GABRB3: variants seen among roughly 807,000 people sequenced by gnomAD.
The protein encoded by GABRB3 is gamma-aminobutyric acid type A receptor subunit beta3.
A neutral mutation model predicts 52.1 loss-of-function variants in GABRB3; 14 were observed. The ratio of observed to expected loss-of-function variants is 0.27; its 90% confidence interval spans 0.18 to 0.42. The LOEUF (loss-of-function observed/expected upper bound fraction) is 0.42. Ranked by LOEUF, GABRB3 falls within the 10% of genes least tolerant of loss-of-function variation. GABRB3 has a pLI of 1.00. For synonymous variants in GABRB3, 260 were observed against 232.3 expected, an observed-to-expected ratio of 1.12 and a Z score of -1.08; for missense variants, 307 against 609.1, an observed-to-expected ratio of 0.50 and a Z score of 5.22.
At chr15:26,679,410 C>T (rs1357452381) in intron 3 of GABRB3, among the ~76,000 whole-genome samples, 2 of 152,094 alleles carry the variant, frequency 1.3e-5, no homozygotes, top group Admixed American at 6.5e-5. Flanking sequence ...GTCGCACATA[C>T]GTACTAGCAT....
intron 3 of GABRB3, among the ~76,000 whole-genome samples, chr15:26,714,127 C>T (rs1016436945): frequency 2.0e-5 from 3 of 152,334 alleles, no homozygotes; most frequent in African/African-American, 7.2e-5. Flanking sequence ...AATATTTAGA[C>T]GTCTGAGCTA....
chr15:26,565,420 T>G (rs1320929879), intron 7 of GABRB3, among the ~76,000 whole-genome samples: 1 of 152,046 alleles, frequency 6.6e-6, no homozygotes, highest in Non-Finnish European at 1.5e-5. Context: ...TCACCCTAAC[T>G]CTAGTGAATA....
chr15:26,760,060 C>T (rs1401264819), intron 3 of GABRB3, among the ~76,000 whole-genome samples: 1 of 152,186 alleles, frequency 6.6e-6, no homozygotes, highest in African/African-American at 2.4e-5. Context: ...GTAGCTGAGG[C>T]TCATAGCATA....
chr15:26,689,174 G>T (rs555956678), intron 3 of GABRB3, among the ~76,000 whole-genome samples: 11 of 152,292 alleles, frequency 7.2e-5, no homozygotes, highest in African/African-American at 2.4e-4. Context: ...GACAGTCTTG[G>T]TCTCCTGCAC....
intron 3 of GABRB3, among the ~76,000 whole-genome samples, chr15:26,741,434 T>C (rs977692019): frequency 1.4e-4 from 22 of 152,178 alleles, no homozygotes; most frequent in Admixed American, 2.6e-4. Context: ...CACATATACA[T>C]GTAAGCAACC....
chr15:26,658,578 A>G (rs867217244), intron 3 of GABRB3: 1 of 152,192 alleles, frequency 6.6e-6, no homozygotes, highest in Non-Finnish European at 1.5e-5. Context: ...GCTGCCACAC[A>G]TTCATCTGCA....
At chr15:26,554,065 AG>A in intron 8 of GABRB3, among the ~76,000 whole-genome samples, 1 of 106,962 alleles carries the variant, frequency 9.3e-6, no homozygotes, top group Non-Finnish European at 2.0e-5. Flanking sequence ...TTATATATAA[AG>A]TGTGTATATA....
intron 8 of GABRB3, among the ~76,000 whole-genome samples, chr15:26,554,621 A>T (rs1436977454): frequency 6.6e-6 from 1 of 152,120 alleles, no homozygotes; most frequent in African/African-American, 2.4e-5. Flanking sequence ...GACCAAATCC[A>T]TGACAAATAG....
At chr15:26,686,377 G>A (rs1476998168) in intron 3 of GABRB3, among the ~76,000 whole-genome samples, 1 of 152,118 alleles carries the variant, frequency 6.6e-6, no homozygotes, top group African/African-American at 2.4e-5. Context: ...GTTTTCAGGG[G>A]GCATTCTCAC....
intron 3 of GABRB3, among the ~76,000 whole-genome samples, chr15:26,749,020 A>C (rs1890427703): frequency 1.3e-5 from 2 of 151,844 alleles, no homozygotes; most frequent in African/African-American, 4.8e-5. Context: ...ATGAGACTCC[A>C]TCTCAAAATA....
At chr15:26,566,201 G>A (rs531267847) in intron 7 of GABRB3, among the ~76,000 whole-genome samples, 4 of 152,002 alleles carry the variant, frequency 2.6e-5, no homozygotes, top group African/African-American at 4.8e-5. Context: ...AGCACTTTCA[G>A]TTTTTTGCAG....
At chr15:26,585,984 A>ATTTTC (rs1890969265) in intron 4 of GABRB3, among the ~76,000 whole-genome samples, 1 of 152,010 alleles carries the variant, frequency 6.6e-6, no homozygotes, top group Non-Finnish European at 1.5e-5. Flanking sequence ...AAATTTTTTA[A>ATTTTC]TTTTCTTTTT....
chr15:26,624,644 C>T, intron 3 of GABRB3: 1 of 985,488 alleles, frequency 1.0e-6, no homozygotes, highest in Non-Finnish European at 1.2e-6. Context: ...TAGGTAACAG[C>T]AAGAGGGAAA....
chr15:26,557,130 T>C (rs150622410), intron 8 of GABRB3, among the ~76,000 whole-genome samples: 5 of 152,200 alleles, frequency 3.3e-5, no homozygotes, highest in Non-Finnish European at 5.9e-5. Flanking sequence ...TGCAACAACA[T>C]GGATGGAGCT....
chr15:26,673,332 T>C (rs548156266), intron 3 of GABRB3, among the ~76,000 whole-genome samples: 87 of 152,282 alleles, frequency 5.7e-4, no homozygotes, highest in African/African-American at 2.1e-3. Flanking sequence ...TTTTAAACCA[T>C]AGATGAGTGA....
At chr15:26,738,484 TC>T (rs1410438889) in intron 3 of GABRB3, among the ~76,000 whole-genome samples, 1 of 152,122 alleles carries the variant, frequency 6.6e-6, no homozygotes, top group Non-Finnish European at 1.5e-5. Context: ...GAATTATAAT[TC>T]CTTTTTTTGG....
chr15:26,652,336 T>G (rs1887223861), intron 3 of GABRB3, among the ~76,000 whole-genome samples: 1 of 152,196 alleles, frequency 6.6e-6, no homozygotes, highest in African/African-American at 2.4e-5. Flanking sequence ...AAACTGTAAC[T>G]TAACGGCCTC....
At chr15:26,642,508 G>A in intron 3 of GABRB3, 1 of 1,288,588 alleles carries the variant, frequency 7.8e-7, no homozygotes, top group Non-Finnish European at 1.0e-6. Flanking sequence ...CTGAATCCTA[G>A]CTGTGCAGTT....
chr15:26,615,754 G>A lies in GABRB3; in HGVS notation c.461+5560C>T, dbSNP rs1027602822. On this transcript the variant is annotated intron_variant, in intron 4 of 8. Coordinates refer to ENST00000311550, the MANE Select transcript of GABRB3 (RefSeq NM_000814.6). ...GCATGAATAACAAAAGAAGCGTAGA[G>A]GAGCTAAGTGGCGACTGACCTACCA... 5.3e-6 allele frequency: 6 copies of A among 1,126,818 alleles called. No homozygotes were observed. In the Admixed American group the frequency reaches 1.5e-4, roughly 29 times the overall value. 69.8% of individuals were successfully genotyped at this position (1,126,818 alleles called of 1,614,324 possible).
Sources: gnomAD v4.1 joint callset for allele counts (sites outside exome capture counted in the v4.1 genomes callset) on GRCh38, gnomAD v4.1.1 for gene constraint, MANE v1.5 for transcripts, NCBI Gene and HGNC (gene_info 2026-07-23, HGNC 2026-07-21) for gene names.